The following SHQ1 variants were observed in gnomAD, a reference collection of about 807,000 sequenced individuals.
SHQ1 encodes protein SHQ1 homolog.
A neutral mutation model predicts 53.8 loss-of-function variants in SHQ1; 49 were observed. That is an observed-to-expected ratio of 0.91 (90% CI 0.72 to 1.16). SHQ1 has a LOEUF of 1.16. Among genes scored for constraint, SHQ1 ranks in the 50% most tolerant of loss-of-function variants. The pLI is 0.00. For synonymous variants in SHQ1, 243 were observed against 251.0 expected (o/e 0.97, Z 0.30); for missense variants, 738 against 683.1 (o/e 1.08, Z -0.90).
intron 1 of SHQ1, among the ~76,000 whole-genome samples, chr3:72,847,989 T>C (rs1355201570): frequency 6.6e-6 from 1 of 151,986 alleles, no homozygotes; most frequent in Non-Finnish European, 1.5e-5. Context: ...TGATATGGGA[T>C]TTAAGAAAGC....
At chr3:72,811,133 A>G (rs1707106484) in intron 9 of SHQ1, among the ~76,000 whole-genome samples, 1 of 152,238 alleles carries the variant, frequency 6.6e-6, no homozygotes, top group African/African-American at 2.4e-5. Context: ...GAACTAGATT[A>G]CTTCCCAGAA....
intron 10 of SHQ1, among the ~76,000 whole-genome samples, chr3:72,751,549 A>C (rs1471997188): frequency 8.1e-6 from 1 of 123,004 alleles, no homozygotes; most frequent in African/African-American, 4.1e-5. Context: ...TACACTAATA[A>C]AGCCTAACTC....
At chr3:72,748,956 AAC>A (rs1040867730), downstream of SHQ1, among the ~76,000 whole-genome samples, 2 of 140,410 alleles carry the variant, frequency 1.4e-5, no homozygotes, top group African/African-American at 5.9e-5. Context: ...CCCTGTCTCA[AAC>A]ACACACGCAC....
chr3:72,735,710 G>GAGGAAGGAAGGAAGGAAGGA, the SHQ1 span, among the ~76,000 whole-genome samples: 20 of 102,536 alleles, frequency 2.0e-4, no homozygotes, highest in African/African-American at 5.2e-4. Context: ...GAGAGAGAGA[G>GAGGAAGGAAGGAAGGAAGGA]AGGAAGGAAG....
the SHQ1 span, among the ~76,000 whole-genome samples, chr3:72,725,993 G>A: frequency 6.6e-6 from 1 of 152,140 alleles, no homozygotes; most frequent in African/African-American, 2.4e-5. Context: ...ATGATAGCTG[G>A]GTGGGGTGAT....
intron 7 of SHQ1, among the ~76,000 whole-genome samples, chr3:72,816,366 A>AT (rs916348166): frequency 2.0e-5 from 3 of 152,178 alleles, no homozygotes; most frequent in Non-Finnish European, 2.9e-5. Context: ...GGAAATCTTA[A>AT]TTATTTTCTT....
the SHQ1 span, among the ~76,000 whole-genome samples, chr3:72,739,508 G>A: frequency 1.3e-5 from 2 of 152,220 alleles, no homozygotes; most frequent in South Asian, 4.1e-4. Flanking sequence ...GGGTTCGGAA[G>A]CCAAGGCTCC....
At chr3:72,770,367 AC>A (rs1347340953) in intron 10 of SHQ1, among the ~76,000 whole-genome samples, 1 of 152,182 alleles carries the variant, frequency 6.6e-6, no homozygotes, top group Non-Finnish European at 1.5e-5. Context: ...CTATGGCCTC[AC>A]TACATTTCTA....
intron 1 of SHQ1, among the ~76,000 whole-genome samples, chr3:72,844,942 CTT>C (rs1208320552): frequency 1.3e-5 from 2 of 152,144 alleles, no homozygotes; most frequent in Non-Finnish European, 2.9e-5. Flanking sequence ...TGTGTTTAAA[CTT>C]GAGTTCCATC....
At chr3:72,788,040 C>G (rs1381704131) in intron 10 of SHQ1, among the ~76,000 whole-genome samples, 1 of 152,198 alleles carries the variant, frequency 6.6e-6, no homozygotes, top group Non-Finnish European at 1.5e-5. Flanking sequence ...GGCTGGAGTG[C>G]AGTGGCGTGA....
Position 72,824,424 on chromosome 3 carries a change from C to T in SHQ1, c.727G>A (p.Val243Met), listed in dbSNP as rs775686187. Residue 243 changes from valine (V) to methionine (M), a missense_variant and splice_region_variant, in exon 6 of 11, where the codon GTG becomes ATG. Transcript: ENST00000325599. The part of the protein sequence containing the change: ...SQEQENHATL[V>M]SFSEEEKYQL... ...AATTAGCCGAATTTGAGTTTCTTAC[C>T]TAATGTAGCATGATTTTCTTGTTCC... is the stretch of plus-strand genomic sequence containing the variant. 5 of 1,609,568 alleles carry T rather than the reference C, an allele frequency of 3.1e-6. No homozygotes were observed. The highest frequency in any genetic ancestry group is 4.2e-6 in the Non-Finnish European group (5 of 1,179,274).
chr3:72,773,108 G>A (rs775946936), intron 10 of SHQ1: 40 of 772,984 alleles, frequency 5.2e-5, no homozygotes, highest in African/African-American at 1.7e-4. Flanking sequence ...GCCAAACTTC[G>A]TGAAATTGAG....
At chr3:72,734,560 G>A in the SHQ1 span, among the ~76,000 whole-genome samples, 1,171 of 151,636 alleles carry the variant, frequency 7.7e-3, 27 homozygotes, top group Non-Finnish European at 0.011. Context: ...CCGGCCTACA[G>A]TAAGCCATCA....
intron 9 of SHQ1, among the ~76,000 whole-genome samples, chr3:72,811,276 G>A (rs1707114521): frequency 6.6e-6 from 1 of 152,174 alleles, no homozygotes; most frequent in Admixed American, 6.5e-5. Flanking sequence ...ATCGCAAACT[G>A]CATTCTCACT....
intron 9 of SHQ1, among the ~76,000 whole-genome samples, chr3:72,797,823 T>C (rs1706673492): frequency 6.6e-6 from 1 of 152,264 alleles, no homozygotes; most frequent in African/African-American, 2.4e-5. Context: ...TGATCTCTTT[T>C]GTTCCGACTA....
At chr3:72,807,921 G>A (rs1243477831) in intron 9 of SHQ1, among the ~76,000 whole-genome samples, 1 of 152,088 alleles carries the variant, frequency 6.6e-6, no homozygotes. Context: ...TTTTAATTGG[G>A]GACAACAACT....
intron 3 of SHQ1, 148 bp downstream of exon 3, chr3:72,842,131 AG>A: frequency 1.3e-6 from 1 of 770,112 alleles, no homozygotes; most frequent in Non-Finnish European, 1.9e-6. Flanking sequence ...TCACCAAAGA[AG>A]CTATTTTCAT....
At chr3:72,759,627 G>A (rs1278285715) in intron 10 of SHQ1, among the ~76,000 whole-genome samples, 2 of 152,140 alleles carry the variant, frequency 1.3e-5, no homozygotes, top group African/African-American at 4.8e-5. Context: ...GGAGGCGGAG[G>A]TTGTAGTGAG....
At chr3:72,743,482 C>T in the SHQ1 span, among the ~76,000 whole-genome samples, 1 of 152,050 alleles carries the variant, frequency 6.6e-6, no homozygotes, top group Non-Finnish European at 1.5e-5. Context: ...ACCCCAGACC[C>T]GGAAGAAGGA....
Sources: gnomAD v4.1 joint callset for allele counts (sites outside exome capture counted in the v4.1 genomes callset) on GRCh38, gnomAD v4.1.1 for gene constraint, MANE v1.5 for transcripts, NCBI Gene and HGNC (gene_info 2026-07-23, HGNC 2026-07-21) for gene names.